Variants in PPP1R12B observed in about 807,000 individuals in gnomAD.
PPP1R12B encodes myosin phosphatase target subunit 2.
PPP1R12B carries 76 observed loss-of-function variants against 126.1 expected under a neutral mutation model. The ratio of observed to expected loss-of-function variants is 0.60; its 90% CI spans 0.50 to 0.73. PPP1R12B has a LOEUF of 0.73. Among genes scored for constraint, PPP1R12B ranks in the 30% least tolerant of loss-of-function variants. The pLI is 0.00. For synonymous variants in PPP1R12B, 356 were observed against 434.7 expected, an observed-to-expected ratio of 0.82 and a Z score of 2.25; for missense variants, 1,052 against 1,205.1, an observed-to-expected ratio of 0.87 and a Z score of 1.88.
chr1:202,452,226 C>T (rs559442642), intron 13 of PPP1R12B, among the ~76,000 whole-genome samples: 24 of 152,230 alleles, frequency 1.6e-4, no homozygotes, highest in Admixed American at 7.2e-4. Context: ...TGTAGCGAGC[C>T]GAGATCACGC....
At chr1:202,375,357 C>T (rs1488058467) in intron 1 of PPP1R12B, among the ~76,000 whole-genome samples, 1 of 152,152 alleles carries the variant, frequency 6.6e-6, no homozygotes, top group Non-Finnish European at 1.5e-5. Flanking sequence ...TTGTTGTTCC[C>T]GTTTTTGAAT....
chr1:202,551,453 T>G (rs1365470784), intron 18 of PPP1R12B, among the ~76,000 whole-genome samples: 1 of 152,188 alleles, frequency 6.6e-6, no homozygotes, highest in East Asian at 1.9e-4. Context: ...TCTGAATGTA[T>G]GTAATCACCT....
intron 13 of PPP1R12B, among the ~76,000 whole-genome samples, chr1:202,462,136 C>T (rs886488189): frequency 5.9e-5 from 9 of 152,104 alleles, no homozygotes; most frequent in African/African-American, 2.2e-4. Context: ...TACTAAAAAT[C>T]TTTAAATGGT....
At chr1:202,394,663 A>G (rs1216503013) in intron 1 of PPP1R12B, among the ~76,000 whole-genome samples, 1 of 152,188 alleles carries the variant, frequency 6.6e-6, no homozygotes, top group Non-Finnish European at 1.5e-5. Flanking sequence ...CTGAGGCAGG[A>G]AAATCACTTG....
chr1:202,374,171 G>C (rs576470954), intron 1 of PPP1R12B, among the ~76,000 whole-genome samples: 1 of 152,014 alleles, frequency 6.6e-6, no homozygotes, highest in Non-Finnish European at 1.5e-5. Flanking sequence ...TTCCTTGAAG[G>C]CTTTTAGGTA....
chr1:202,496,589 A>G (rs954850387), intron 17 of PPP1R12B, among the ~76,000 whole-genome samples, 192 bp from the exon 18 acceptor site: 11 of 152,214 alleles, frequency 7.2e-5, no homozygotes, highest in Non-Finnish European at 2.9e-5. Context: ...TTTTTAGACT[A>G]CAGGTGACAT....
intron 9 of PPP1R12B, 63 bp downstream of exon 9, chr1:202,434,831 A>G: frequency 5.7e-6 from 9 of 1,580,478 alleles, no homozygotes. Flanking sequence ...ACACATCTAG[A>G]AAGGCCTTAA....
At chr1:202,561,395 T>A (rs1441205741) in intron 19 of PPP1R12B, among the ~76,000 whole-genome samples, 1 of 152,058 alleles carries the variant, frequency 6.6e-6, no homozygotes. Context: ...CTTTTTTTTT[T>A]TTTTAGTGAG....
intron 1 of PPP1R12B, among the ~76,000 whole-genome samples, chr1:202,410,360 C>T (rs1475339265): frequency 6.6e-6 from 1 of 152,232 alleles, no homozygotes; most frequent in African/African-American, 2.4e-5. Context: ...AGGTGTTAGG[C>T]TGCACTAAGC....
At chr1:202,358,609 G>A (rs923425691) in intron 1 of PPP1R12B, among the ~76,000 whole-genome samples, 2 of 151,926 alleles carry the variant, frequency 1.3e-5, no homozygotes, top group African/African-American at 2.4e-5. Context: ...TTGAACCCGG[G>A]AGGTGGAGGT....
intron 12 of PPP1R12B, among the ~76,000 whole-genome samples, chr1:202,445,655 C>T (rs1313553599): frequency 4.6e-5 from 7 of 152,170 alleles, no homozygotes; most frequent in Admixed American, 4.6e-4. Flanking sequence ...AGAAAGCTAA[C>T]TCATTTTCCA....
chr1:202,573,711 A>G (rs1050963988), intron 23 of PPP1R12B, among the ~76,000 whole-genome samples: 1 of 152,148 alleles, frequency 6.6e-6, no homozygotes, highest in African/African-American at 2.4e-5. Flanking sequence ...AAGTCTTTAA[A>G]TGTCTTATGG....
intron 21 of PPP1R12B, among the ~76,000 whole-genome samples, chr1:202,566,461 G>T (rs1688057118): frequency 6.6e-6 from 1 of 152,156 alleles, no homozygotes; most frequent in Non-Finnish European, 1.5e-5. Flanking sequence ...TATGGAGACA[G>T]TTACCACATG....
Position 202,495,727 on chromosome 1 carries a change from T to G in PPP1R12B, c.2448+45T>G, listed in dbSNP as rs772018380. Reference sequence around the variant, plus strand: ...CTGAGGCATATCATATTACTCTTGGTCACCATTCTTTCAGTTGAGTTTAAA... The same window carrying G: ...CTGAGGCATATCATATTACTCTTGGGCACCATTCTTTCAGTTGAGTTTAAA... On this transcript the variant is annotated intron_variant, in intron 17 of 23. Coordinates refer to ENST00000608999, the MANE Select transcript of PPP1R12B (RefSeq NM_002481.4). The G allele has an allele frequency of 6.2e-5, 94 of 1,522,428 alleles. No individual in the cohort carries two copies. In the Middle Eastern group the frequency reaches 1.0e-3, roughly 16 times the overall value. 94.3% of individuals were successfully genotyped at this position (1,522,428 alleles called of 1,614,324 possible). A position where few individuals can be genotyped will look rare whatever the true frequency, so the allele number is the denominator to read the frequency against.
chr1:202,354,385 A>G (rs1656638674), intron 1 of PPP1R12B, among the ~76,000 whole-genome samples: 2 of 152,182 alleles, frequency 1.3e-5, no homozygotes, highest in African/African-American at 4.8e-5. Flanking sequence ...AGCGTGGGCA[A>G]CATAGCAAAA....
Position 202,431,942 on chromosome 1 carries a change from G to C in PPP1R12B, c.1141+323G>C, listed in dbSNP as rs1205291919. The stretch of plus-strand genomic sequence containing the variant: ...CAAGACAGCTTGGGCAACATAGCAA[G>C]ACCCTGTCTCTACAAAAAAATTTAA... On this transcript the variant is annotated intron_variant, in intron 8 of 23. Coordinates refer to ENST00000608999, the MANE Select transcript of PPP1R12B (RefSeq NM_002481.4). 2.6e-5 allele frequency among the ~76,000 whole-genome samples: 4 copies of C among 152,290 alleles called. No individual in the cohort carries two copies. The East Asian group carries it at 7.7e-4, about 29-fold the overall frequency.
At chr1:202,479,716 C>T (rs1677116875) in intron 13 of PPP1R12B, among the ~76,000 whole-genome samples, 1 of 152,162 alleles carries the variant, frequency 6.6e-6, no homozygotes, top group Non-Finnish European at 1.5e-5. Flanking sequence ...GCCTTAGTCT[C>T]CTGGTTCTTA....
chr1:202,578,563 A>G (rs1390629885), intron 23 of PPP1R12B, among the ~76,000 whole-genome samples: 1 of 152,272 alleles, frequency 6.6e-6, no homozygotes, highest in African/African-American at 2.4e-5. Context: ...GACCAGGGTC[A>G]AAGGACTGCA....
chr1:202,460,321 C>T (rs888237640), intron 13 of PPP1R12B, among the ~76,000 whole-genome samples: 2 of 152,122 alleles, frequency 1.3e-5, no homozygotes, highest in Admixed American at 1.3e-4. Context: ...TCATATATAC[C>T]ACACTTATGG....
Sources: allele counts gnomAD v4.1 joint callset (sites outside exome capture counted in the v4.1 genomes callset), GRCh38; gene constraint gnomAD v4.1.1; transcripts MANE v1.5; gene names NCBI Gene and HGNC (gene_info 2026-07-23, HGNC 2026-07-21).